CTTNBP2: variants seen among roughly 807,000 people sequenced by gnomAD.
The protein encoded by CTTNBP2 is cortactin binding protein 2.
In CTTNBP2, 108 loss-of-function variants were observed where a neutral mutation model predicts 156.9. That is an observed-to-expected ratio of 0.69 (90% CI 0.59 to 0.81). The LOEUF is 0.81. Ranked by LOEUF, CTTNBP2 falls within the 30% of genes least tolerant of loss-of-function variation. The pLI, the probability that CTTNBP2 is intolerant of heterozygous loss-of-function variation, is 0.00. For synonymous variants in CTTNBP2, 767 were observed against 751.8 expected (o/e 1.02, Z -0.33); for missense variants, 1,924 against 2,035.4 (o/e 0.95, Z 1.05).
At chr7:117,867,789 G>C (rs980672020) in intron 1 of CTTNBP2, among the ~76,000 whole-genome samples, 6 of 152,164 alleles carry the variant, frequency 3.9e-5, no homozygotes, top group Non-Finnish European at 8.8e-5. Flanking sequence ...GAGAACATGA[G>C]ATCTATTTGG....
chr7:117,763,960 G>A (rs957818631), intron 9 of CTTNBP2, among the ~76,000 whole-genome samples: 4 of 151,872 alleles, frequency 2.6e-5, no homozygotes, highest in Non-Finnish European at 5.9e-5. Flanking sequence ...CCTAAAAATG[G>A]GGGTTTCTCT....
Position 117,810,831 on chromosome 7 carries a change from G to A in CTTNBP2, c.348C>T (p.Ala116=), listed in dbSNP as rs757743465. The A allele has an allele frequency of 3.1e-6, 5 of 1,613,936 alleles. No individual in the cohort carries two copies. The South Asian group carries it at 5.5e-5, about 18-fold the overall frequency. ...NPLSILEAVM[A]HCKKMQERMS... ...TCCTTTCTTGCATTTTCTTGCAGTGGGCCATGACTGCTTCAAGGATGGAGA... is the reference window on the plus strand; with the variant it reads ...TCCTTTCTTGCATTTTCTTGCAGTGAGCCATGACTGCTTCAAGGATGGAGA... The change falls in exon 3 of 23, where the codon GCC becomes GCT. Residue 116 remains alanine (A), a synonymous_variant. Transcript: ENST00000160373.
At chr7:117,798,174 T>C (rs1212757873) in intron 3 of CTTNBP2, among the ~76,000 whole-genome samples, 1 of 151,990 alleles carries the variant, frequency 6.6e-6, no homozygotes, top group Non-Finnish European at 1.5e-5. Context: ...AAATCTACAA[T>C]AATAACAATA....
chr7:117,773,648 A>AACACACACACACACACACACACAC (rs71528190), intron 8 of CTTNBP2, among the ~76,000 whole-genome samples: 9 of 95,130 alleles, frequency 9.5e-5, no homozygotes, highest in African/African-American at 3.4e-4. Context: ...GCTTAGAGTT[A>AACACACACACACACACACACACAC]ACACACACAC....
chr7:117,762,863 A>C (rs150006667), intron 9 of CTTNBP2, among the ~76,000 whole-genome samples: 1 of 152,132 alleles, frequency 6.6e-6, no homozygotes, highest in Non-Finnish European at 1.5e-5. Flanking sequence ...CTTTTAACCC[A>C]GTCATCCTGC....
chr7:117,828,988 A>C (rs1234245657), intron 2 of CTTNBP2, among the ~76,000 whole-genome samples: 2 of 152,252 alleles, frequency 1.3e-5, no homozygotes, highest in Admixed American at 1.3e-4. Flanking sequence ...AACATGATTT[A>C]TGACTGGCTG....
intron 9 of CTTNBP2, among the ~76,000 whole-genome samples, chr7:117,761,295 C>A (rs1797203272): frequency 6.6e-6 from 1 of 152,232 alleles, no homozygotes; most frequent in African/African-American, 2.4e-5. Flanking sequence ...ATAGATTTTA[C>A]ATATTCTTAT....
chr7:117,842,571 G>A (rs1032948593), intron 2 of CTTNBP2, among the ~76,000 whole-genome samples: 9 of 151,896 alleles, frequency 5.9e-5, no homozygotes, highest in African/African-American at 2.2e-4. Context: ...GTACTCCAGG[G>A]TCCATAGAAA....
At chr7:117,740,910 C>T (rs1340984817) in intron 14 of CTTNBP2, among the ~76,000 whole-genome samples, 3 of 152,160 alleles carry the variant, frequency 2.0e-5, no homozygotes, top group Admixed American at 1.3e-4. Flanking sequence ...CAGCATGGGT[C>T]CTACTGAGAA....
intron 3 of CTTNBP2, among the ~76,000 whole-genome samples, chr7:117,795,019 C>T (rs937826685): frequency 4.0e-5 from 6 of 151,342 alleles, no homozygotes; most frequent in African/African-American, 2.4e-5. Context: ...CTCAGCCTCC[C>T]GAGTAGCTGG....
chr7:117,863,254 T>G (rs1482613232), intron 1 of CTTNBP2, among the ~76,000 whole-genome samples: 1 of 152,124 alleles, frequency 6.6e-6, no homozygotes, highest in Non-Finnish European at 1.5e-5. Context: ...GACAGAGAAG[T>G]TATTTGGAAA....
intron 14 of CTTNBP2, among the ~76,000 whole-genome samples, chr7:117,740,382 C>T (rs1399673850): frequency 6.6e-6 from 1 of 152,096 alleles, no homozygotes; most frequent in African/African-American, 2.4e-5. Context: ...CTTTCTTCTA[C>T]GGCGTCATAG....
chr7:117,867,992 T>C (rs1221237717), intron 1 of CTTNBP2, among the ~76,000 whole-genome samples: 2 of 152,140 alleles, frequency 1.3e-5, no homozygotes, highest in Non-Finnish European at 2.9e-5. Flanking sequence ...GGCTCAGGGG[T>C]GACAGCCTCT....
intron 10 of CTTNBP2, among the ~76,000 whole-genome samples, chr7:117,758,467 T>C (rs942206658): frequency 2.0e-5 from 3 of 152,200 alleles, no homozygotes; most frequent in Admixed American, 6.5e-5. Context: ...CTTCTCCCAT[T>C]GCGGGCCCTC....
chr7:117,864,835 TATTC>T (rs1224634188), intron 1 of CTTNBP2, among the ~76,000 whole-genome samples: 1 of 139,312 alleles, frequency 7.2e-6, no homozygotes, highest in African/African-American at 2.6e-5. Context: ...TATTCATATA[TATTC>T]ATTCTATATT....
chr7:117,792,371 GCTGTCA>G lies in CTTNBP2; in HGVS notation c.819_824del (p.Asp274_Ser275del), dbSNP rs1338809074. 6.2e-7 allele frequency: 1 copy of G among 1,614,124 alleles called. No homozygotes were observed. The highest frequency in any genetic ancestry group is 1.7e-5 in the Admixed American group (1 of 60,016). On this transcript the variant is annotated inframe_deletion, in exon 4 of 23. Coordinates refer to ENST00000160373, the MANE Select transcript of CTTNBP2 (RefSeq NM_033427.3). This position sits in a 1 kb window ranked among gnomAD's most constrained non-coding sequence, Gnocchi z 4.2. ...TCCGTGGAAGAGAGAGGCTTGGTTT[GCTGTCA>G]CTTCCCCTTTTCAGTTGCTCAATCA...
intron 22 of CTTNBP2, among the ~76,000 whole-genome samples, chr7:117,715,366 T>C (rs1418786326): frequency 2.0e-5 from 3 of 151,726 alleles, no homozygotes; most frequent in Admixed American, 6.6e-5. Context: ...ATCAGGGCTA[T>C]GTTTTAGAAC....
chr7:117,846,778 T>C (rs1030844029), intron 2 of CTTNBP2, among the ~76,000 whole-genome samples: 2 of 152,142 alleles, frequency 1.3e-5, no homozygotes, highest in African/African-American at 4.8e-5. Context: ...TCTTCATTCC[T>C]TAGTTAAATG....
intron 14 of CTTNBP2, among the ~76,000 whole-genome samples, chr7:117,740,872 C>T (rs1333741717): frequency 6.6e-6 from 1 of 152,196 alleles, no homozygotes; most frequent in Non-Finnish European, 1.5e-5. Context: ...TCTAATTCTC[C>T]TCTATGTCTT....
Sources: allele counts gnomAD v4.1 joint callset (sites outside exome capture counted in the v4.1 genomes callset), GRCh38; gene constraint gnomAD v4.1.1; non-coding constraint Gnocchi (gnomAD v3.1); transcripts MANE v1.5; gene names NCBI Gene and HGNC (gene_info 2026-07-23, HGNC 2026-07-21).